Variants in TFDP1 observed in about 807,000 individuals in gnomAD.
TFDP1 encodes transcription factor Dp-1.
TFDP1 carries 6 observed loss-of-function variants against 48.0 expected under a neutral mutation model. The ratio of observed to expected loss-of-function variants is 0.13; its 90% confidence interval spans 0.07 to 0.25. TFDP1 has a LOEUF of 0.25. Among genes scored for constraint, TFDP1 ranks in the 10% least tolerant of loss-of-function variants. TFDP1 has a pLI of 1.00. For synonymous variants in TFDP1, 201 were observed against 211.6 expected, an observed-to-expected ratio of 0.95 and a Z score of 0.44; for missense variants, 335 against 543.0, an observed-to-expected ratio of 0.62 and a Z score of 3.81.
chr13:113,613,840 TGA>T (rs1163354810), intron 3 of TFDP1, among the ~76,000 whole-genome samples: 3 of 151,658 alleles, frequency 2.0e-5, no homozygotes, highest in Non-Finnish European at 4.4e-5. Context: ...GCATATGTGT[TGA>T]GTGTGCATGT....
chr13:113,592,642 C>T (rs2048173196), intron 2 of TFDP1, among the ~76,000 whole-genome samples: 1 of 152,370 alleles, frequency 6.6e-6, no homozygotes, highest in South Asian at 2.1e-4. Flanking sequence ...GTGTGATCCG[C>T]TCCAGTGAAT....
In TFDP1 at chr13:113,623,325, G is replaced by C; in HGVS notation, c.186+39G>C. ...AGGAGCGGACAGCCGGGATCTCGGT[G>C]TGAGGTCGGGATCGGATGAGCCGTG... is the stretch of plus-strand genomic sequence containing the variant. On this transcript the variant is annotated intron_variant, in intron 4 of 11. Coordinates refer to ENST00000375370, the MANE Select transcript of TFDP1 (RefSeq NM_007111.5). This position sits in a 1 kb window ranked among gnomAD's most constrained non-coding sequence, Gnocchi z 5.2. The C allele has an allele frequency of 6.4e-7, 1 of 1,559,128 alleles. No homozygotes were observed. Among genetic ancestry groups the C allele is most frequent in the Non-Finnish European group, 8.7e-7 (1 of 1,147,710 alleles).
intron 11 of TFDP1, 29 bp from the exon 12 acceptor site, chr13:113,640,091 G>A (rs764226825): frequency 6.4e-7 from 1 of 1,557,036 alleles, no homozygotes; most frequent in East Asian, 2.3e-5. Flanking sequence ...CGCCTGCACT[G>A]ACGGCGCCAT....
At chr13:113,637,795 G>A (rs751681870) in intron 10 of TFDP1, 23 bp from the exon 11 acceptor site, 13 of 1,614,100 alleles carry the variant, frequency 8.1e-6, no homozygotes, top group South Asian at 5.5e-5. Context: ...ATGACCATTC[G>A]CTTATTTTCT....
rs574911925 is a variant in TFDP1, at chr13:113,623,468, C to T, written c.186+182C>T. On this transcript the variant is annotated intron_variant, in intron 4 of 11. Coordinates refer to ENST00000375370, the MANE Select transcript of TFDP1 (RefSeq NM_007111.5). This position sits in a 1 kb window ranked among gnomAD's most constrained non-coding sequence, Gnocchi z 5.2. Reference sequence around the variant, plus strand: ...TTTTCCATAGCCCTCTGCAGCTGCCCACGTGTTGTTGTGGGAGAGGTGATG... The same window carrying T: ...TTTTCCATAGCCCTCTGCAGCTGCCTACGTGTTGTTGTGGGAGAGGTGATG... Among the ~76,000 whole-genome samples the T allele has an allele frequency of 6.6e-6, 1 of 152,088 alleles. No individual in the cohort carries two copies. The highest frequency in any genetic ancestry group is 1.5e-5 in the Non-Finnish European group (1 of 68,014).
At chr13:113,622,099 G>A (rs548550925) in intron 3 of TFDP1, among the ~76,000 whole-genome samples, 8 of 152,328 alleles carry the variant, frequency 5.3e-5, no homozygotes, top group East Asian at 1.9e-4. Context: ...CAGTGGACGC[G>A]TGACCCACAT....
intron 2 of TFDP1, among the ~76,000 whole-genome samples, chr13:113,587,761 G>A (rs776248557): frequency 6.6e-6 from 1 of 152,120 alleles, no homozygotes; most frequent in East Asian, 1.9e-4. Flanking sequence ...ACCGCGCCCG[G>A]CCTAGCTAAC....
intron 8 of TFDP1, 27 bp downstream of exon 8, chr13:113,634,629 A>T (rs1212052618): frequency 1.3e-6 from 2 of 1,570,650 alleles, no homozygotes; most frequent in Non-Finnish European, 1.7e-6. Flanking sequence ...CTGTGGAGGC[A>T]GGGTAATTTT....
chr13:113,611,629 G>C (rs1302957229), intron 3 of TFDP1, among the ~76,000 whole-genome samples: 1 of 152,224 alleles, frequency 6.6e-6, no homozygotes, highest in Non-Finnish European at 1.5e-5. Flanking sequence ...TTACACCTCG[G>C]AGTGGTGCTG....
At chr13:113,620,266 T>C (rs113674795) in intron 3 of TFDP1, among the ~76,000 whole-genome samples, 2,218 of 152,284 alleles carry the variant, frequency 0.015, 51 homozygotes, top group African/African-American at 0.051. Flanking sequence ...CCACACTCCC[T>C]GATGGGGCAG....
intron 3 of TFDP1, among the ~76,000 whole-genome samples, chr13:113,612,940 T>G (rs931778537): frequency 6.6e-6 from 1 of 152,218 alleles, no homozygotes; most frequent in Non-Finnish European, 1.5e-5. Flanking sequence ...GTCAGTTCTT[T>G]CCCTGGATCG....
At chr13:113,584,709 G>T (rs1174518285), upstream of TFDP1, 1 of 147,594 alleles carries the variant, frequency 6.8e-6, no homozygotes, top group Non-Finnish European at 1.5e-5. Flanking sequence ...CGCACGTCAC[G>T]CCGGCCCGAC....
At chr13:113,614,708 T>C (rs2048813968) in intron 3 of TFDP1, among the ~76,000 whole-genome samples, 1 of 152,182 alleles carries the variant, frequency 6.6e-6, no homozygotes, top group Non-Finnish European at 1.5e-5. Flanking sequence ...GGGGGGCCTG[T>C]GTCCAGTTCC....
intron 4 of TFDP1, among the ~76,000 whole-genome samples, chr13:113,624,204 C>T (rs190723640): frequency 2.6e-5 from 4 of 152,166 alleles, no homozygotes; most frequent in African/African-American, 9.7e-5. Flanking sequence ...CACTCCACCC[C>T]CTCACCCTGC....
intron 4 of TFDP1, among the ~76,000 whole-genome samples, chr13:113,629,297 A>T (rs1051935758): frequency 1.3e-5 from 2 of 152,206 alleles, no homozygotes; most frequent in African/African-American, 2.4e-5. Flanking sequence ...TAAACAACGC[A>T]TTCCCAGTGC....
chr13:113,632,112 G>C (rs1481312660), intron 5 of TFDP1, among the ~76,000 whole-genome samples: 1 of 152,220 alleles, frequency 6.6e-6, no homozygotes, highest in Non-Finnish European at 1.5e-5. Context: ...TTCACCCACT[G>C]CCCCTGAATT....
At chr13:113,618,358 C>CA (rs981859684) in intron 3 of TFDP1, among the ~76,000 whole-genome samples, 6 of 152,100 alleles carry the variant, frequency 3.9e-5, no homozygotes, top group African/African-American at 9.7e-5. Flanking sequence ...TCTGTCTCTA[C>CA]AAAAAATACA....
chr13:113,629,102 G>A (rs1006749617), intron 4 of TFDP1, among the ~76,000 whole-genome samples: 1 of 152,244 alleles, frequency 6.6e-6, no homozygotes, highest in African/African-American at 2.4e-5. Context: ...GTGAGCAGCA[G>A]GTGATGGGTG....
chr13:113,631,971 T>A (rs1405589157), intron 5 of TFDP1: 1 of 560,040 alleles, frequency 1.8e-6, no homozygotes, highest in Non-Finnish European at 3.1e-6. Context: ...CACCCCGCTT[T>A]GTGTCTGGTG....
Sources: gnomAD v4.1 joint callset for allele counts (sites outside exome capture counted in the v4.1 genomes callset) on GRCh38, gnomAD v4.1.1 for gene constraint, Gnocchi (gnomAD v3.1) non-coding constraint, MANE v1.5 for transcripts, NCBI Gene and HGNC (gene_info 2026-07-23, HGNC 2026-07-21) for gene names.